Variants in SUFU observed in about 807,000 individuals in gnomAD.
SUFU encodes the protein suppressor of fused homolog.
Under a neutral mutation model 58.9 loss-of-function variants are expected in SUFU, and 7 were observed. That is an observed-to-expected ratio of 0.12 (90% CI 0.07 to 0.22). The LOEUF (loss-of-function observed/expected upper bound fraction) is 0.22. Ranked by LOEUF, SUFU falls within the 10% of genes least tolerant of loss-of-function variation. The pLI, the probability that SUFU is intolerant of heterozygous loss-of-function variation, is 1.00. For synonymous variants in SUFU, 232 were observed against 254.8 expected (o/e 0.91, Z 0.85); for missense variants, 451 against 641.3 (o/e 0.70, Z 3.20).
intron 3 of SUFU, chr10:102,572,709 A>T: frequency 1.5e-6 from 1 of 687,964 alleles, no homozygotes; most frequent in South Asian, 1.4e-5. Context: ...TGTTGTTGTT[A>T]TGGTGAAAAG....
chr10:102,555,324 T>C (rs1487029981), intron 3 of SUFU, among the ~76,000 whole-genome samples: 2 of 150,200 alleles, frequency 1.3e-5, no homozygotes, highest in Non-Finnish European at 3.0e-5. Flanking sequence ...CCTTGGTCTT[T>C]TTTTTTTTTT....
At chr10:102,623,009 A>G (rs1033968797) in intron 10 of SUFU, among the ~76,000 whole-genome samples, 5 of 151,036 alleles carry the variant, frequency 3.3e-5, no homozygotes, top group Non-Finnish European at 7.4e-5. Flanking sequence ...AAAAAAAAAA[A>G]AAAAAAAGCA....
rs553960746 is a variant in SUFU, at chr10:102,512,697, C to T, written c.317+3394C>T. On this transcript the variant is annotated intron_variant, in intron 2 of 11. Coordinates refer to ENST00000369902, the MANE Select transcript of SUFU (RefSeq NM_016169.4). ...AGCCTAGTATTTTCCAGTATTACAT[C>T]CTGGCACTAGAAGAATGTGGAAGGA... Among the ~76,000 whole-genome samples the T allele has an allele frequency of 3.3e-5, 5 of 152,300 alleles. No homozygotes were observed. In the East Asian group the frequency reaches 9.6e-4, roughly 29 times the overall value.
At chr10:102,537,790 C>CAA (rs2062757886) in intron 2 of SUFU, among the ~76,000 whole-genome samples, 3 of 152,156 alleles carry the variant, frequency 2.0e-5, no homozygotes, top group Non-Finnish European at 2.9e-5. Flanking sequence ...TTTGGCTTGT[C>CAA]CATCCATCTA....
intron 3 of SUFU, among the ~76,000 whole-genome samples, chr10:102,553,654 G>A (rs923019482): frequency 6.6e-6 from 1 of 152,094 alleles, no homozygotes; most frequent in African/African-American, 2.4e-5. Flanking sequence ...TAGTAGAGAT[G>A]GGGCTTCACT....
intron 3 of SUFU, among the ~76,000 whole-genome samples, chr10:102,552,543 G>C (rs1292744678): frequency 6.6e-6 from 1 of 152,020 alleles, no homozygotes; most frequent in Non-Finnish European, 1.5e-5. Flanking sequence ...TAAATGCATT[G>C]TTGATCCTTG....
intron 2 of SUFU, among the ~76,000 whole-genome samples, chr10:102,546,657 G>A (rs1391933944): frequency 6.6e-6 from 1 of 152,240 alleles, no homozygotes; most frequent in Non-Finnish European, 1.5e-5. Context: ...GAATGACCTT[G>A]TCACTTGGTG....
chr10:102,594,666 T>G (rs1367886831), intron 6 of SUFU, among the ~76,000 whole-genome samples: 1 of 152,198 alleles, frequency 6.6e-6, no homozygotes, highest in Non-Finnish European at 1.5e-5. Context: ...CTTTGCTGTT[T>G]TAGAAGCATT....
chr10:102,593,829 G>GTT, intron 5 of SUFU, 108 bp downstream of exon 5: 1 of 1,394,486 alleles, frequency 7.2e-7, no homozygotes, highest in South Asian at 1.2e-5. Context: ...TCAGACCCTG[G>GTT]TTTTTCACAT....
chr10:102,593,437 C>A lies in SUFU; in HGVS notation c.598-199C>A, dbSNP rs2063424640. Among the ~76,000 whole-genome samples the A allele has an allele frequency of 1.3e-4, 20 of 152,322 alleles. No homozygotes were observed. In the South Asian group the frequency reaches 3.5e-3, roughly 27 times the overall value. On this transcript the variant is annotated intron_variant, in intron 4 of 11. Coordinates refer to ENST00000369902, the MANE Select transcript of SUFU (RefSeq NM_016169.4). The stretch of plus-strand genomic sequence containing the variant: ...GGCAAGGGTCAGGCCTCAGGGCCCA[C>A]ATGTGGACCCAGCCATTTCCCAGCC...
At position 102,592,655 on chromosome 10, in the gene SUFU, C is replaced by T. The variant is rs150569584; in HGVS notation, c.528C>T (p.His176=). 2.5e-4 allele frequency: 398 copies of T among 1,614,148 alleles called. 1 individual carries two copies. The African/African-American group carries it at 4.7e-3, about 19-fold the overall frequency. ...PLDNSESRIQ[H]MLLTEDPQMQ... ...ATAACAGTGAGTCAAGAATTCAGCA[C>T]ATGCTGCTGACAGAGGACCCACAGA... Residue 176 remains histidine, a synonymous_variant, in exon 4 of 12, where the codon CAC becomes CAT. Transcript: ENST00000369902.
chr10:102,529,093 C>G (rs957311217), intron 2 of SUFU, among the ~76,000 whole-genome samples: 3 of 150,110 alleles, frequency 2.0e-5, no homozygotes, highest in Non-Finnish European at 4.4e-5. Flanking sequence ...ATCATATAAA[C>G]ATATTTCAAA....
At chr10:102,568,916 A>C (rs1193794001) in intron 3 of SUFU, among the ~76,000 whole-genome samples, 4 of 10,150 alleles carry the variant, frequency 3.9e-4, no homozygotes, top group Non-Finnish European at 7.6e-4. Flanking sequence ...ATATATATAT[A>C]TATACACATA....
At position 102,597,308 on chromosome 10, in the gene SUFU, T is replaced by G. The variant is rs967527620; in HGVS notation, c.910+15T>G. ...CTCTGGCAAAGGTGGGAGCCATCAC[T>G]CAGCATTCCACCAGCCTTCCTCCTT... On this transcript the variant is annotated intron_variant, in intron 7 of 11. Coordinates refer to ENST00000369902, the MANE Select transcript of SUFU (RefSeq NM_016169.4). The G allele has an allele frequency of 1.2e-6, 2 of 1,610,200 alleles. No individual in the cohort carries two copies. Among genetic ancestry groups the G allele is most frequent in the Non-Finnish European group, 1.7e-6 (2 of 1,178,172 alleles).
At chr10:102,604,705 C>T (rs776679870) in intron 8 of SUFU, among the ~76,000 whole-genome samples, 3 of 152,130 alleles carry the variant, frequency 2.0e-5, no homozygotes, top group Non-Finnish European at 4.4e-5. Flanking sequence ...TAAGCTCATT[C>T]AGGAGAGTAG....
intron 3 of SUFU, among the ~76,000 whole-genome samples, chr10:102,551,139 G>A (rs1455531388): frequency 6.6e-6 from 1 of 152,158 alleles, no homozygotes; most frequent in East Asian, 1.9e-4. Flanking sequence ...ACACCTGTGG[G>A]AGCCAGTTGT....
At chr10:102,593,229 A>C (rs987678271) in intron 4 of SUFU, among the ~76,000 whole-genome samples, 1 of 152,202 alleles carries the variant, frequency 6.6e-6, no homozygotes, top group East Asian at 1.9e-4. Context: ...TGGTGGTTCC[A>C]AGCCTGATAG....
chr10:102,568,332 T>C (rs1057487035), intron 3 of SUFU, among the ~76,000 whole-genome samples: 1 of 152,230 alleles, frequency 6.6e-6, no homozygotes, highest in Non-Finnish European at 1.5e-5. Flanking sequence ...AAAGAGATTT[T>C]CATGTTTTAC....
At chr10:102,565,903 T>A (rs2063084258) in intron 3 of SUFU, among the ~76,000 whole-genome samples, 1 of 152,200 alleles carries the variant, frequency 6.6e-6, no homozygotes, top group Non-Finnish European at 1.5e-5. Flanking sequence ...GGACAAGGTC[T>A]CTCATCTCTG....
Sources: gnomAD v4.1 joint callset for allele counts (sites outside exome capture counted in the v4.1 genomes callset) on GRCh38, gnomAD v4.1.1 for gene constraint, MANE v1.5 for transcripts, NCBI Gene and HGNC (gene_info 2026-07-23, HGNC 2026-07-21) for gene names.